Variants in ADGRF1 observed in about 807,000 individuals in gnomAD.
ADGRF1 encodes adhesion G protein-coupled receptor F1.
ADGRF1 carries 85 observed loss-of-function variants against 87.2 expected under a neutral mutation model. The observed-to-expected ratio is 0.97, with a 90% CI of 0.82 to 1.17. ADGRF1 has a LOEUF of 1.17. ADGRF1 is among the 50% of genes most tolerant of loss of function. ADGRF1 has a pLI of 0.00. For synonymous variants in ADGRF1, 430 were observed against 408.8 expected (o/e 1.05, Z -0.63); for missense variants, 1,169 against 1,077.2 (o/e 1.09, Z -1.19).
In ADGRF1 at chr6:47,009,722, T is replaced by C. The variant is rs937057; in HGVS notation, c.1713A>G (p.Ile571Met). ...TAGAGGGGACAAAAGGTGACATCAA[T>C]ATGGAGAAGGAGGTCAAGTGAGTAC... ...CQCTHLTSFSILMSPFVPSTI... is the reference protein window; with the variant it reads ...CQCTHLTSFSMLMSPFVPSTI... Residue 571 changes from isoleucine (I) to methionine (M), a missense_variant, in exon 11 of 15, where the codon ATA becomes ATG. Physicochemically the swap from Ile to Met is conservative, Grantham distance 10. Transcript: ENST00000371253. 0.04 allele frequency: 64,448 copies of C among 1,614,004 alleles called. 8,106 individuals are homozygous for C. The highest frequency in any genetic ancestry group is 0.4 in the African/African-American group (29,618 of 74,956).
chr6:47,030,856 G>T (rs1003900785), intron 1 of ADGRF1, among the ~76,000 whole-genome samples: 1 of 151,700 alleles, frequency 6.6e-6, no homozygotes, highest in Non-Finnish European at 1.5e-5. Context: ...TTCACCTTCC[G>T]GGTTCAAGCG....
intron 1 of ADGRF1, among the ~76,000 whole-genome samples, chr6:47,038,802 T>C (rs1561884772): frequency 6.6e-6 from 1 of 152,264 alleles, no homozygotes; most frequent in Non-Finnish European, 1.5e-5. Flanking sequence ...GCTTAATTGA[T>C]ACCTTGTTCA....
intron 2 of ADGRF1, 56 bp downstream of exon 2, chr6:47,028,937 C>G (rs575596723): frequency 2.1e-6 from 3 of 1,404,792 alleles, no homozygotes; most frequent in Non-Finnish European, 3.0e-6. Context: ...CTAAAAGTGC[C>G]GGAACGAGAG....
At chr6:47,000,826 A>C (rs977523913) in intron 14 of ADGRF1, among the ~76,000 whole-genome samples, 3 of 152,242 alleles carry the variant, frequency 2.0e-5, no homozygotes, top group African/African-American at 7.2e-5. Flanking sequence ...ATGGGACTTT[A>C]ACTCTTAAGC....
intron 1 of ADGRF1, among the ~76,000 whole-genome samples, chr6:47,030,781 G>T (rs1375019977): frequency 2.0e-5 from 3 of 149,318 alleles, no homozygotes; most frequent in African/African-American, 7.4e-5. Flanking sequence ...CTTTTTTTTT[G>T]AGATGGAGTT....
At chr6:47,008,579 C>A (rs1779597779) in intron 11 of ADGRF1, among the ~76,000 whole-genome samples, 1 of 152,152 alleles carries the variant, frequency 6.6e-6, no homozygotes, top group African/African-American at 2.4e-5. Context: ...CTAGGAAATT[C>A]CTTTGCACCA....
rs915314946 is a variant in ADGRF1, at chr6:47,013,276, G to A, written c.928-1081C>T. 30 of 985,280 alleles carry A rather than the reference G, an allele frequency of 3.0e-5. No homozygotes were observed. The Admixed American group carries it at 3.7e-4, about 12-fold the overall frequency. 61.0% of individuals were successfully genotyped at this position (985,280 alleles called of 1,614,324 possible). ...AAGCCACCTGGGATCTGCCTGGAGCGAACTAGTCTCAACTATTGCTCATGT... is the reference window on the plus strand; with the variant it reads ...AAGCCACCTGGGATCTGCCTGGAGCAAACTAGTCTCAACTATTGCTCATGT... On this transcript the variant is annotated intron_variant, in intron 9 of 14. Transcript: ENST00000371253.
chr6:47,009,134 T>G lies in ADGRF1; in HGVS notation c.2301A>C (p.Thr767=). The change falls in exon 11 of 15, where the codon ACA becomes ACC. Residue 767 remains threonine (T), a synonymous_variant. Transcript: ENST00000371253. ...VNFVVVLLVL[T]KLWRPTVGER... ...CCCCAACAGTCGGCCTCCAGAGCTT[T>G]GTGAGAACTAGCAGCACCACAACGA... 1 of 1,614,132 alleles carries G rather than the reference T, an allele frequency of 6.2e-7. No individual in the cohort carries two copies. Among genetic ancestry groups the G allele is most frequent in the Non-Finnish European group, 8.5e-7 (1 of 1,180,020 alleles).
At chr6:47,024,811 T>C (rs1024032798) in intron 4 of ADGRF1, among the ~76,000 whole-genome samples, 32 of 152,230 alleles carry the variant, frequency 2.1e-4, no homozygotes, top group Non-Finnish European at 3.7e-4. Context: ...CTGAGGTTGG[T>C]ATCAGAAAGC....
intron 3 of ADGRF1, among the ~76,000 whole-genome samples, chr6:47,026,404 T>C (rs1010006163): frequency 6.6e-6 from 1 of 151,352 alleles, no homozygotes; most frequent in Non-Finnish European, 1.5e-5. Flanking sequence ...CCTTGAAGTA[T>C]CTCCAGTATA....
chr6:46,999,943 T>C lies in ADGRF1; in HGVS notation c.*279A>G. 1 of 265,984 alleles carries C rather than the reference T, an allele frequency of 3.8e-6. No homozygotes were observed. Among genetic ancestry groups the C allele is most frequent in the Non-Finnish European group, 7.2e-6 (1 of 139,536 alleles). 16.5% of individuals were successfully genotyped at this position (265,984 alleles called of 1,614,324 possible). ...GTTTTATGAAAATAGAAACCATATT[T>C]TATGGTCAGGGTACAACTGACACGA... is the stretch of plus-strand genomic sequence containing the variant. On this transcript the variant is annotated 3_prime_UTR_variant, in exon 15 of 15. Transcript: ENST00000371253.
intron 13 of ADGRF1, among the ~76,000 whole-genome samples, chr6:47,005,495 T>C (rs1268347193): frequency 6.6e-6 from 1 of 152,212 alleles, no homozygotes; most frequent in African/African-American, 2.4e-5. Flanking sequence ...AGGGCCTTGC[T>C]AGTTCTAAAT....
Position 47,008,833 on chromosome 6 carries a change from G to A in ADGRF1, c.2490+112C>T, listed in dbSNP as rs73480722. On this transcript the variant is annotated intron_variant, in intron 11 of 14. Transcript: ENST00000371253. ...TTGTTTCCATGCAGTTTTTCTGATGGTCTTGCTGGAGGCAGGGAGATGAGA... is the reference window on the plus strand; with the variant it reads ...TTGTTTCCATGCAGTTTTTCTGATGATCTTGCTGGAGGCAGGGAGATGAGA... 8.0e-4 allele frequency: 699 copies of A among 878,954 alleles called. 4 individuals carry two copies. In the African/African-American group the frequency reaches 0.01, roughly 13 times the overall value. 54.4% of individuals were successfully genotyped at this position (878,954 alleles called of 1,614,324 possible).
intron 1 of ADGRF1, among the ~76,000 whole-genome samples, chr6:47,035,617 T>C (rs1780566347): frequency 6.6e-6 from 1 of 152,342 alleles, no homozygotes; most frequent in South Asian, 2.1e-4. Flanking sequence ...ATTTTTTAAC[T>C]ATTTCCCTAA....
intron 9 of ADGRF1, chr6:47,012,950 C>T: frequency 1.6e-6 from 1 of 607,792 alleles, no homozygotes; most frequent in Non-Finnish European, 2.1e-6. Flanking sequence ...TTTTTGTATC[C>T]TTAGTAGAAA....
chr6:47,020,021 T>A lies in ADGRF1; in HGVS notation c.611+710A>T, dbSNP rs186568086. On this transcript the variant is annotated intron_variant, in intron 7 of 14. Transcript: ENST00000371253. ...GCTCCGAATTATGAGGCATCATATC[T>A]CCTGTAGTTGCTGAAGGAGAAAATC... The A allele has an allele frequency of 2.8e-4, 280 of 991,536 alleles. 2 individuals carry two copies. In the African/African-American group the frequency reaches 4.5e-3, roughly 16 times the overall value. The allele number at this position is 991,536 out of a possible 1,614,324, so 61.4% of individuals were successfully genotyped here.
chr6:47,015,953 A>G (rs1323688701), intron 8 of ADGRF1, among the ~76,000 whole-genome samples: 3 of 151,756 alleles, frequency 2.0e-5, no homozygotes, highest in Non-Finnish European at 4.4e-5. Context: ...GGCCAAGCTG[A>G]TCTTGAACTC....
rs1780699490 is a variant in ADGRF1, at chr6:47,040,297, C to T, written c.-44+1894G>A. ...ACCATCCTGGCCAACACAATGAAAC[C>T]CTGTCTCTAATAAAAATACAAAAAA... On this transcript the variant is annotated intron_variant, in intron 1 of 14. Transcript: ENST00000371253. Among the ~76,000 whole-genome samples, 4 of 151,892 alleles carry T rather than the reference C, an allele frequency of 2.6e-5. No individual in the cohort carries two copies. In the South Asian group the frequency reaches 6.3e-4, roughly 24 times the overall value.
chr6:47,029,439 C>T (rs1393552308), intron 1 of ADGRF1, among the ~76,000 whole-genome samples: 23 of 151,840 alleles, frequency 1.5e-4, no homozygotes, highest in Admixed American at 1.5e-3. Context: ...ACTGAGGTTT[C>T]CTTTTCATTT....
Sources: allele counts gnomAD v4.1 joint callset (sites outside exome capture counted in the v4.1 genomes callset), GRCh38; gene constraint gnomAD v4.1.1; transcripts MANE v1.5; gene names NCBI Gene and HGNC (gene_info 2026-07-23, HGNC 2026-07-21).